Variants in SHC4 observed in about 807,000 individuals in gnomAD.
The protein encoded by SHC4 is SHC-transforming protein 4.
In SHC4, 41 loss-of-function variants were observed where a neutral mutation model predicts 69.4. The ratio of observed to expected loss-of-function variants is 0.59; its 90% CI spans 0.46 to 0.77. The LOEUF is 0.77. Among genes scored for constraint, SHC4 ranks in the 30% least tolerant of loss-of-function variants. The pLI is 0.00. For missense variants in SHC4, 777 were observed against 783.8 expected, an observed-to-expected ratio of 0.99 and a Z score of 0.10; for synonymous variants, 318 against 299.3, an observed-to-expected ratio of 1.06 and a Z score of -0.64.
intron 2 of SHC4, among the ~76,000 whole-genome samples, chr15:48,907,307 C>T (rs549714528): frequency 1.3e-5 from 2 of 151,520 alleles, no homozygotes; most frequent in South Asian, 2.1e-4. Flanking sequence ...TCACTGCAAC[C>T]GCTGCCTCCT....
At chr15:48,863,433 T>A (rs900966463) in intron 6 of SHC4, among the ~76,000 whole-genome samples, 3 of 151,926 alleles carry the variant, frequency 2.0e-5, no homozygotes, top group Non-Finnish European at 4.4e-5. Context: ...AATTGCTGCA[T>A]CATAGTACAT....
intron 2 of SHC4, among the ~76,000 whole-genome samples, chr15:48,919,096 T>TC (rs5812467): frequency 0.93 from 140,898 of 151,670 alleles, 66,067 homozygotes; most frequent in Non-Finnish European, 0.99. Flanking sequence ...TTTCAAGACC[T>TC]CCCTGGATAA....
intron 10 of SHC4, among the ~76,000 whole-genome samples, chr15:48,842,789 G>C (rs1424269572): frequency 1.3e-5 from 2 of 152,080 alleles, no homozygotes; most frequent in Admixed American, 1.3e-4. Flanking sequence ...AAATTAGCTG[G>C]GCATGTTGTT....
At chr15:48,847,730 T>C (rs2140976616) in intron 9 of SHC4, among the ~76,000 whole-genome samples, 1 of 151,884 alleles carries the variant, frequency 6.6e-6, no homozygotes, top group African/African-American at 2.4e-5. Flanking sequence ...AGGCCAGGCG[T>C]GGTGGGTCAC....
intron 1 of SHC4, among the ~76,000 whole-genome samples, chr15:48,925,922 T>C (rs931534993): frequency 1.3e-5 from 2 of 152,160 alleles, no homozygotes; most frequent in Admixed American, 1.3e-4. Flanking sequence ...GCAGTTGATT[T>C]GATACGGAGA....
intron 4 of SHC4, chr15:48,878,144 A>G: frequency 6.6e-7 from 1 of 1,518,870 alleles, no homozygotes; most frequent in Non-Finnish European, 8.8e-7. Flanking sequence ...GTCTTGCTGG[A>G]AGCTTTTTCC....
At chr15:48,914,913 TC>T (rs1900587643) in intron 2 of SHC4, among the ~76,000 whole-genome samples, 1 of 152,100 alleles carries the variant, frequency 6.6e-6, no homozygotes, top group African/African-American at 2.4e-5. Flanking sequence ...AAACAGTAAC[TC>T]CCCCTACTGC....
chr15:48,936,593 G>A (rs1395726617), intron 1 of SHC4, among the ~76,000 whole-genome samples: 3 of 152,106 alleles, frequency 2.0e-5, no homozygotes, highest in Admixed American at 2.0e-4. Flanking sequence ...CACCATGATT[G>A]TAAGTTTCCT....
At chr15:48,844,794 C>T (rs935865605) in intron 9 of SHC4, among the ~76,000 whole-genome samples, 11 of 152,102 alleles carry the variant, frequency 7.2e-5, no homozygotes, top group African/African-American at 2.2e-4. Flanking sequence ...ATGGGAGTTC[C>T]GCTGCACAAG....
chr15:48,873,810 A>C (rs955563467), intron 4 of SHC4, among the ~76,000 whole-genome samples: 1 of 152,214 alleles, frequency 6.6e-6, no homozygotes, highest in African/African-American at 2.4e-5. Context: ...TTGTAAGAGT[A>C]CTTTAGTACA....
At chr15:48,892,816 T>A in intron 2 of SHC4, among the ~76,000 whole-genome samples, 1 of 140,420 alleles carries the variant, frequency 7.1e-6, no homozygotes, top group Admixed American at 7.6e-5. Context: ...TGAGCTGAGA[T>A]CACGCCATTG....
chr15:48,922,271 T>A (rs1567070695), intron 2 of SHC4, among the ~76,000 whole-genome samples: 1 of 152,214 alleles, frequency 6.6e-6, no homozygotes, highest in Non-Finnish European at 1.5e-5. Context: ...TCAGGAACTT[T>A]ATGGATACTC....
intron 2 of SHC4, among the ~76,000 whole-genome samples, chr15:48,920,194 T>C (rs1900723641): frequency 6.6e-6 from 1 of 151,552 alleles, no homozygotes; most frequent in Non-Finnish European, 1.5e-5. Flanking sequence ...TTTTTTTTTT[T>C]GTATTTTTAG....
chr15:48,916,574 A>AC (rs60260371), intron 2 of SHC4, among the ~76,000 whole-genome samples: 26 of 151,048 alleles, frequency 1.7e-4, no homozygotes, highest in African/African-American at 6.3e-4. Flanking sequence ...AAAAAAAAAA[A>AC]CACTACTCAG....
chr15:48,874,267 GA>G (rs1291068409), intron 4 of SHC4, among the ~76,000 whole-genome samples: 4 of 152,188 alleles, frequency 2.6e-5, no homozygotes, highest in Admixed American at 1.3e-4. Flanking sequence ...ATGTATTTAA[GA>G]ACTTTTAGTC....
intron 6 of SHC4, among the ~76,000 whole-genome samples, chr15:48,859,245 T>C (rs940258929): frequency 6.6e-6 from 1 of 152,160 alleles, no homozygotes. Context: ...ATCTCAGATA[T>C]TCTCATTCCA....
chr15:48,839,860 A>G (rs1898960872), intron 10 of SHC4, among the ~76,000 whole-genome samples: 1 of 152,200 alleles, frequency 6.6e-6, no homozygotes, highest in Non-Finnish European at 1.5e-5. Context: ...ACAGTCATCT[A>G]CCAATATCTA....
Position 48,918,623 on chromosome 15 carries a change from A to G in SHC4, c.656+6256T>C, listed in dbSNP as rs542792117. Among the ~76,000 whole-genome samples the G allele has an allele frequency of 4.6e-5, 7 of 152,204 alleles. No homozygotes were observed. The East Asian group carries it at 1.4e-3, about 29-fold the overall frequency. On this transcript the variant is annotated intron_variant, in intron 2 of 11. Transcript: ENST00000332408. ...GTCTTTTCATTTAGCTCATAGTCCT[A>G]TTTAGTTCAAGACCTAGAGTTTGAA... is the stretch of plus-strand genomic sequence containing the variant.
At chr15:48,957,083 T>C (rs1164404807) in intron 1 of SHC4, among the ~76,000 whole-genome samples, 1 of 144,716 alleles carries the variant, frequency 6.9e-6, no homozygotes, top group Non-Finnish European at 1.5e-5. Context: ...GTTCAAGCAA[T>C]CCTCCCACCT....
Sources: allele counts gnomAD v4.1 joint callset (sites outside exome capture counted in the v4.1 genomes callset), GRCh38; gene constraint gnomAD v4.1.1; transcripts MANE v1.5; gene names NCBI Gene and HGNC (gene_info 2026-07-23, HGNC 2026-07-21).